SEMA5A: variants seen among roughly 807,000 people sequenced by gnomAD.
SEMA5A encodes the protein semaphorin 5A.
Under a neutral mutation model 135.5 loss-of-function variants are expected in SEMA5A, and 55 were observed. The ratio of observed to expected loss-of-function variants is 0.41; its 90% confidence interval spans 0.33 to 0.51. SEMA5A has a LOEUF of 0.51. SEMA5A is among the 20% of genes least tolerant of loss of function. The pLI is 0.37. For synonymous variants in SEMA5A, 580 were observed against 546.5 expected, an observed-to-expected ratio of 1.06 and a Z score of -0.85; for missense variants, 1,290 against 1,419.9, an observed-to-expected ratio of 0.91 and a Z score of 1.47.
rs377487102 is a variant in SEMA5A, at chr5:9,154,553, G to C, written c.1416C>G (p.Phe472Leu). 3 of 1,613,096 alleles carry C rather than the reference G, an allele frequency of 1.9e-6. No individual in the cohort carries two copies. Among genetic ancestry groups the C allele is most frequent in the East Asian group, 2.2e-5 (1 of 44,836 alleles). The change falls in exon 12 of 23, where the codon TTC becomes TTG. Residue 472 changes from phenylalanine to leucine, a missense_variant. This residue lies in a region of SEMA5A where 1,029 missense variants were observed against 1,086.6 expected (regional missense o/e 0.95). Transcript: ENST00000382496. ...LQILHSQSVL[F>L]VGLREHVVKI... ...TGACCACGTGCTCCCGCAGGCCCAC[G>C]AACAGGACACTCTGGCTGTGCAGGA...
intron 3 of SEMA5A, among the ~76,000 whole-genome samples, chr5:9,378,243 C>T (rs1755450001): frequency 6.6e-6 from 1 of 151,970 alleles, no homozygotes; most frequent in Admixed American, 6.5e-5. Flanking sequence ...GGGCGGGGAA[C>T]ATTTATTTTG....
intron 2 of SEMA5A, among the ~76,000 whole-genome samples, chr5:9,382,954 C>T (rs532391491): frequency 7.9e-5 from 12 of 152,156 alleles, no homozygotes; most frequent in Non-Finnish European, 1.8e-4. Context: ...CAAATCAAGA[C>T]AAGGGAAGAG....
intron 12 of SEMA5A, among the ~76,000 whole-genome samples, chr5:9,144,012 G>A (rs944630481): frequency 1.2e-4 from 19 of 152,178 alleles, no homozygotes; most frequent in Non-Finnish European, 2.5e-4. Flanking sequence ...GTTCCACGAT[G>A]TGGAAGTAAC....
At chr5:9,221,326 G>A (rs1231834075) in intron 8 of SEMA5A, among the ~76,000 whole-genome samples, 9 of 140,174 alleles carry the variant, frequency 6.4e-5, no homozygotes, top group East Asian at 4.1e-4. Context: ...TTTTTGAGAC[G>A]GAGTCTCGCT....
At position 9,404,116 on chromosome 5, in the gene SEMA5A, T is replaced by A. The variant is rs146176931; in HGVS notation, c.-77-24093A>T. On this transcript the variant is annotated intron_variant, in intron 2 of 22. Coordinates refer to ENST00000382496, the MANE Select transcript of SEMA5A (RefSeq NM_003966.3). ...TGCCAGGCTAATTTTGTATTTTTAG[T>A]AGAGATGCGGTTTCACCATGTTGGC... Among the ~76,000 whole-genome samples the A allele has an allele frequency of 6.7e-3, 1,021 of 152,212 alleles. 16 individuals carry two copies. The highest frequency in any genetic ancestry group is 0.023 in the African/African-American group (976 of 41,554).
intron 1 of SEMA5A, among the ~76,000 whole-genome samples, chr5:9,493,462 C>T (rs1031644048): frequency 4.6e-5 from 7 of 151,666 alleles, no homozygotes; most frequent in African/African-American, 7.3e-5. Context: ...GAATGATGCC[C>T]GGTAAAATTA....
At chr5:9,091,660 A>C (rs1425007777) in intron 16 of SEMA5A, among the ~76,000 whole-genome samples, 1 of 152,184 alleles carries the variant, frequency 6.6e-6, no homozygotes, top group African/African-American at 2.4e-5. Context: ...AAACACAACA[A>C]CCCTACTGAA....
intron 12 of SEMA5A, among the ~76,000 whole-genome samples, chr5:9,150,699 G>T (rs1388283913): frequency 6.6e-6 from 1 of 152,122 alleles, no homozygotes; most frequent in Admixed American, 6.5e-5. Context: ...AGAATAACCA[G>T]GGAATGGAGA....
chr5:9,171,088 G>GA (rs1743895524), intron 11 of SEMA5A, among the ~76,000 whole-genome samples: 1 of 152,192 alleles, frequency 6.6e-6, no homozygotes, highest in African/African-American at 2.4e-5. Flanking sequence ...AAACTAGAAT[G>GA]ATGGCAAAAA....
At chr5:9,312,474 T>C (rs1752186427) in intron 5 of SEMA5A, among the ~76,000 whole-genome samples, 1 of 152,150 alleles carries the variant, frequency 6.6e-6, no homozygotes, top group Admixed American at 6.6e-5. Flanking sequence ...TAAAAGCAAC[T>C]CTTGGTCTTT....
chr5:9,193,264 G>A lies in SEMA5A; in HGVS notation c.1069-2793C>T, dbSNP rs116412331. Among the ~76,000 whole-genome samples the A allele has an allele frequency of 7.3e-3, 1,112 of 152,036 alleles. 15 individuals are homozygous for A. Among genetic ancestry groups the A allele is most frequent in the African/African-American group, 0.024 (1,011 of 41,462 alleles). ...GCTTTGCCTTTTATGCTGGACTCCC[G>A]CTGTGTCCGTGTGGGGCACTGTGTG... On this transcript the variant is annotated intron_variant, in intron 10 of 22. Transcript: ENST00000382496.
At chr5:9,132,961 G>A (rs898166979) in intron 13 of SEMA5A, among the ~76,000 whole-genome samples, 5 of 152,196 alleles carry the variant, frequency 3.3e-5, no homozygotes, top group Non-Finnish European at 5.9e-5. Flanking sequence ...AGTGTTTACT[G>A]ATTGCAAACT....
chr5:9,270,349 A>G (rs770817469), intron 5 of SEMA5A, among the ~76,000 whole-genome samples: 8 of 152,050 alleles, frequency 5.3e-5, no homozygotes, highest in Non-Finnish European at 1.2e-4. Context: ...AATCACAGCC[A>G]TGCATGACTA....
At chr5:9,517,875 CAT>C (rs930908681) in intron 1 of SEMA5A, 2 of 152,124 alleles carry the variant, frequency 1.3e-5, no homozygotes, top group Non-Finnish European at 2.9e-5. Flanking sequence ...AGAAAACTAA[CAT>C]AGAGGATTGT....
At chr5:9,258,033 T>C (rs1471159299) in intron 5 of SEMA5A, among the ~76,000 whole-genome samples, 9 of 152,166 alleles carry the variant, frequency 5.9e-5, no homozygotes, top group Non-Finnish European at 2.9e-5. Flanking sequence ...TGCTGAGATT[T>C]TGACCTGCTG....
intron 3 of SEMA5A, among the ~76,000 whole-genome samples, chr5:9,375,438 G>T (rs1470381404): frequency 6.6e-6 from 1 of 151,894 alleles, no homozygotes; most frequent in Non-Finnish European, 1.5e-5. Flanking sequence ...GTGTCCATGA[G>T]CAAAGGAATG....
At chr5:9,397,341 T>C (rs2126551480) in intron 2 of SEMA5A, among the ~76,000 whole-genome samples, 1 of 152,306 alleles carries the variant, frequency 6.6e-6, no homozygotes, top group Admixed American at 6.5e-5. Context: ...CAGTGCCAGG[T>C]TGCAAATTCC....
chr5:9,345,525 T>TTA (rs1554022591), intron 3 of SEMA5A, among the ~76,000 whole-genome samples: 3 of 144,692 alleles, frequency 2.1e-5, no homozygotes, highest in African/African-American at 7.6e-5. Flanking sequence ...TTCCAGGATG[T>TTA]AAAAAAAAAA....
intron 13 of SEMA5A, among the ~76,000 whole-genome samples, chr5:9,125,487 C>T (rs905958068): frequency 6.6e-6 from 1 of 152,146 alleles, no homozygotes; most frequent in East Asian, 1.9e-4. Flanking sequence ...AATGCTCTCC[C>T]TCCCCCTCAC....
Sources: allele counts gnomAD v4.1 joint callset (sites outside exome capture counted in the v4.1 genomes callset), GRCh38; gene constraint gnomAD v4.1.1; regional missense constraint gnomAD v4.1.1; transcripts MANE v1.5; gene names NCBI Gene and HGNC (gene_info 2026-07-23, HGNC 2026-07-21).